Variants in SESN2 observed in about 807,000 individuals in gnomAD.
SESN2 encodes sestrin-2.
Under a neutral mutation model 56.0 loss-of-function variants are expected in SESN2, and 42 were observed. The ratio of observed to expected loss-of-function variants is 0.75; its 90% confidence interval spans 0.59 to 0.97. SESN2 has a LOEUF of 0.97. SESN2 is among the 50% of genes least tolerant of loss of function. SESN2 has a pLI of 0.00. For missense variants in SESN2, 507 were observed against 649.4 expected, an observed-to-expected ratio of 0.78 and a Z score of 2.38; for synonymous variants, 264 against 267.1, an observed-to-expected ratio of 0.99 and a Z score of 0.11.
chr1:28,279,100 T>C lies in SESN2; in HGVS notation c.1215T>C (p.Tyr405=). ...NYIHCVFGIR[Y]DDYDYGEVNQ... ...CTGCTGGGACCTTTCCATCCAGATATGATGACTATGATTATGGGGAGGTGA... is the reference window on the plus strand; with the variant it reads ...CTGCTGGGACCTTTCCATCCAGATACGATGACTATGATTATGGGGAGGTGA... Residue 405 remains tyrosine, a synonymous_variant, in exon 9 of 10, where the codon TAT becomes TAC. Transcript: ENST00000253063. 2 of 1,614,108 alleles carry C rather than the reference T, an allele frequency of 1.2e-6. No homozygotes were observed. The highest frequency in any genetic ancestry group is 8.5e-7 in the Non-Finnish European group (1 of 1,180,002).
Position 28,267,018 on chromosome 1 carries a change from C to T in SESN2, c.91-2165C>T, listed in dbSNP as rs552667625. ...CTATTCCTATCCTTCCCTAGCACCCCTGATGGGCCGTCTCTGCCTCCCCCA... is the reference window on the plus strand; with the variant it reads ...CTATTCCTATCCTTCCCTAGCACCCTTGATGGGCCGTCTCTGCCTCCCCCA... On this transcript the variant is annotated intron_variant, in intron 1 of 9. Transcript: ENST00000253063. Among the ~76,000 whole-genome samples, 509 of 152,320 alleles carry T rather than the reference C, an allele frequency of 3.3e-3. 2 individuals are homozygous for T. Among genetic ancestry groups the T allele is most frequent in the Non-Finnish European group, 6.0e-3 (411 of 68,016 alleles).
chr1:28,272,012 GTT>G lies in SESN2; in HGVS notation c.354+146_354+147del, dbSNP rs942993721. 20 of 911,002 alleles carry G rather than the reference GTT, an allele frequency of 2.2e-5. No homozygotes were observed. The Admixed American group carries it at 2.6e-4, about 12-fold the overall frequency. The allele number at this position is 911,002 out of a possible 1,614,324, so 56.4% of individuals were successfully genotyped here. A position where few individuals can be genotyped will look rare whatever the true frequency, so the allele number is the denominator to read the frequency against. On this transcript the variant is annotated intron_variant, in intron 3 of 9. Coordinates refer to ENST00000253063, the MANE Select transcript of SESN2 (RefSeq NM_031459.5). ...GCTTTATCTAACTGTAGAGTTTTGG[GTT>G]TTTTGTTTTTATTTTTTCTCAGAAG... is the stretch of plus-strand genomic sequence containing the variant.
chr1:28,281,032 G>A lies in SESN2; in HGVS notation c.*230G>A. The A allele has an allele frequency of 4.0e-6, 2 of 501,788 alleles. No homozygotes were observed. The highest frequency in any genetic ancestry group is 7.2e-6 in the Non-Finnish European group (2 of 279,698). 31.1% of individuals were successfully genotyped at this position (501,788 alleles called of 1,614,324 possible). A position where few individuals can be genotyped will look rare whatever the true frequency, so the allele number is the denominator to read the frequency against. On this transcript the variant is annotated 3_prime_UTR_variant, in exon 10 of 10. Coordinates refer to ENST00000253063, the MANE Select transcript of SESN2 (RefSeq NM_031459.5). ...CCTGGGAGCTGGAAGAGCACTTGGA[G>A]ATCCTAAGGGACCACACCCTTCCTC...
At chr1:28,264,319 A>C (rs1557730081) in intron 1 of SESN2, among the ~76,000 whole-genome samples, 1 of 152,054 alleles carries the variant, frequency 6.6e-6, no homozygotes, top group Non-Finnish European at 1.5e-5. Context: ...ACTCCATCTC[A>C]AAGAAAAAAA....
chr1:28,273,273 G>C, intron 5 of SESN2, 85 bp from the exon 6 acceptor site: 1 of 1,346,034 alleles, frequency 7.4e-7, no homozygotes, highest in Non-Finnish European at 9.9e-7. Flanking sequence ...GCATTAGGAA[G>C]GCCTGGCCTC....
intron 8 of SESN2, among the ~76,000 whole-genome samples, chr1:28,276,115 C>G (rs890379948): frequency 6.6e-6 from 1 of 151,880 alleles, no homozygotes; most frequent in Non-Finnish European, 1.5e-5. Context: ...CCACTGTGCT[C>G]CAGCCTGGGC....
intron 1 of SESN2, among the ~76,000 whole-genome samples, chr1:28,262,820 C>T (rs1447924168): frequency 6.7e-6 from 1 of 148,818 alleles, no homozygotes; most frequent in African/African-American, 2.5e-5. Flanking sequence ...CCCAGCTACT[C>T]CGGAGGCTGA....
chr1:28,270,716 G>A (rs1159529835), intron 2 of SESN2, among the ~76,000 whole-genome samples: 2 of 152,244 alleles, frequency 1.3e-5, no homozygotes, highest in East Asian at 3.9e-4. Context: ...GGGATTACAG[G>A]CATGAGCCAC....
At position 28,273,413 on chromosome 1, in the gene SESN2, A is replaced by G; in HGVS notation, c.806A>G (p.Gln269Arg). The change falls in exon 6 of 10, where the codon CAG (glutamine) becomes CGG (arginine). Residue 269 changes from glutamine to arginine, a missense_variant. By Grantham distance (43) the Gln-to-Arg change is conservative. Transcript: ENST00000253063. ...CTGATGGAGCGCATGCAGCAGCTGC[A>G]GGAGAGCCTGCTGCGGGATGAGGGG... ...EALMERMQQLQESLLRDEGTS... is the reference protein window; with the variant it reads ...EALMERMQQLRESLLRDEGTS... 1 of 1,611,184 alleles carries G rather than the reference A, an allele frequency of 6.2e-7. No homozygotes were observed. Among genetic ancestry groups the G allele is most frequent in the Non-Finnish European group, 8.5e-7 (1 of 1,179,236 alleles).
chr1:28,276,870 C>T (rs1385743169), intron 8 of SESN2, among the ~76,000 whole-genome samples: 6 of 145,738 alleles, frequency 4.1e-5, no homozygotes, highest in African/African-American at 1.5e-4. Flanking sequence ...TGAGACACTG[C>T]GCCCAGCCTT....
rs1218232163 is a variant in SESN2 at position 28,279,235 on chromosome 1, A to T, written c.1350A>T (p.Ser450=). 1.9e-6 allele frequency: 3 copies of T among 1,614,102 alleles called. No homozygotes were observed. The highest frequency in any genetic ancestry group is 2.5e-6 in the Non-Finnish European group (3 of 1,180,018). The part of the protein sequence containing the change: ...YNLFWRHFRH[S]EKVHVNLLLL... ...TCTTCTGGAGGCACTTCCGCCACTC[A>T]GAGAAGGTATGACCTATACAGGCAG... The change falls in exon 9 of 10, where the codon TCA becomes TCT. Residue 450 remains serine (S), a synonymous_variant. Transcript: ENST00000253063.
At chr1:28,270,396 T>C (rs1647721207) in intron 2 of SESN2, among the ~76,000 whole-genome samples, 1 of 152,052 alleles carries the variant, frequency 6.6e-6, no homozygotes, top group Non-Finnish European at 1.5e-5. Context: ...TTTTCCTAAA[T>C]GTGTAGGGCG....
chr1:28,276,508 A>T (rs1012337772), intron 8 of SESN2, among the ~76,000 whole-genome samples: 8 of 150,884 alleles, frequency 5.3e-5, no homozygotes, highest in Non-Finnish European at 1.2e-4. Flanking sequence ...TTTAAAAAAA[A>T]TTATCCATTA....
At chr1:28,278,295 G>A (rs934419532) in intron 8 of SESN2, among the ~76,000 whole-genome samples, 3 of 152,130 alleles carry the variant, frequency 2.0e-5, no homozygotes, top group Admixed American at 6.6e-5. Context: ...CTGTCCAGGC[G>A]TGGTGGCTCA....
chr1:28,279,120 A>T lies in SESN2; in HGVS notation c.1235A>T (p.Glu412Val). 1 of 1,614,128 alleles carries T rather than the reference A, an allele frequency of 6.2e-7. No individual in the cohort carries two copies. The highest frequency in any genetic ancestry group is 1.1e-5 in the South Asian group (1 of 91,076). The change falls in exon 9 of 10, where the codon GAG becomes GTG. Residue 412 changes from glutamate to valine, a missense_variant. Coordinates refer to ENST00000253063, the MANE Select transcript of SESN2 (RefSeq NM_031459.5). ...GIRYDDYDYG[E>V]VNQLLERNLK... ...AGATATGATGACTATGATTATGGGGAGGTGAACCAGCTCCTGGAGCGGAAC... is the reference window on the plus strand; with the variant it reads ...AGATATGATGACTATGATTATGGGGTGGTGAACCAGCTCCTGGAGCGGAAC...
In SESN2 at chr1:28,272,683, T is replaced by C; in HGVS notation, c.640T>C (p.Cys214Arg). 1 of 1,614,102 alleles carries C rather than the reference T, an allele frequency of 6.2e-7. No individual in the cohort carries two copies. Among genetic ancestry groups the C allele is most frequent in the East Asian group, 2.2e-5 (1 of 44,884 alleles). Reference sequence around the variant, plus strand: ...CTCGCTCTCCTCCTTCGTGTTTGGCTGTGGCATCCTCCCTGAGGGGGATGC... The same window carrying C: ...CTCGCTCTCCTCCTTCGTGTTTGGCCGTGGCATCCTCCCTGAGGGGGATGC... ...CHSLSSFVFG[C>R]GILPEGDADG... is the part of the protein sequence containing the mutation. Residue 214 changes from cysteine (C) to arginine (R), a missense_variant, in exon 5 of 10, where the codon TGT (cysteine) becomes CGT (arginine). Cys to Arg is a radical substitution (Grantham distance 180). Transcript: ENST00000253063.
At chr1:28,272,853 G>A in intron 5 of SESN2, 60 bp downstream of exon 5, 7 of 940,216 alleles carry the variant, frequency 7.4e-6, no homozygotes, top group Non-Finnish European at 1.1e-5. Context: ...TGGTCCTTAG[G>A]TAGAAGCTAC....
At position 28,281,829 on chromosome 1, in the gene SESN2, A is replaced by G. The variant is rs1011043229; in HGVS notation, c.*1027A>G. 6.6e-6 allele frequency: 1 copy of G among 152,094 alleles called. No homozygotes were observed. Among genetic ancestry groups the G allele is most frequent in the African/African-American group, 2.4e-5 (1 of 41,408 alleles). 9.4% of individuals were successfully genotyped at this position (152,094 alleles called of 1,614,324 possible). ...CAGGTGACCATGGCTACATTGCCAA[A>G]CCTCTGACTGCCACAGCTGCAGACT... On this transcript the variant is annotated 3_prime_UTR_variant, in exon 10 of 10. Coordinates refer to ENST00000253063, the MANE Select transcript of SESN2 (RefSeq NM_031459.5).
At chr1:28,276,937 C>T (rs1455567675) in intron 8 of SESN2, among the ~76,000 whole-genome samples, 14 of 138,996 alleles carry the variant, frequency 1.0e-4, no homozygotes, top group African/African-American at 2.4e-4. Flanking sequence ...GACGGAGTCT[C>T]GCTCTGTTGC....
Sources: allele counts gnomAD v4.1 joint callset (sites outside exome capture counted in the v4.1 genomes callset), GRCh38; gene constraint gnomAD v4.1.1; transcripts MANE v1.5; gene names NCBI Gene and HGNC (gene_info 2026-07-23, HGNC 2026-07-21).